The following NR3C1 variants were observed in gnomAD, a reference collection of about 807,000 sequenced individuals.
NR3C1 encodes the protein nuclear receptor subfamily 3 group C member 1.
Under a neutral mutation model 74.0 loss-of-function variants are expected in NR3C1, and 14 were observed. That is an observed-to-expected ratio of 0.19 (90% CI 0.12 to 0.30). The LOEUF is 0.30. NR3C1 is among the 10% of genes least tolerant of loss of function. NR3C1 has a pLI of 1.00. For missense variants in NR3C1, 695 were observed against 909.8 expected, an observed-to-expected ratio of 0.76 and a Z score of 3.04; for synonymous variants, 308 against 332.5, an observed-to-expected ratio of 0.93 and a Z score of 0.80.
At chr5:143,431,420 C>T (rs943839836) in intron 1 of NR3C1, among the ~76,000 whole-genome samples, 81 of 151,984 alleles carry the variant, frequency 5.3e-4, no homozygotes, top group African/African-American at 1.8e-3. Flanking sequence ...TATGCATGTT[C>T]TCACTCATAA....
intron 2 of NR3C1, among the ~76,000 whole-genome samples, chr5:143,359,771 A>G (rs1831885970): frequency 6.6e-6 from 1 of 152,142 alleles, no homozygotes; most frequent in Non-Finnish European, 1.5e-5. Flanking sequence ...TACAAAAATT[A>G]GCTGGGCATG....
intron 2 of NR3C1, among the ~76,000 whole-genome samples, chr5:143,384,994 T>C (rs955764158): frequency 2.0e-5 from 3 of 152,184 alleles, no homozygotes; most frequent in Non-Finnish European, 4.4e-5. Context: ...TTTCCATACA[T>C]CCTGAAATCA....
chr5:143,297,608 G>A (rs1489076620), intron 6 of NR3C1, among the ~76,000 whole-genome samples: 1 of 152,108 alleles, frequency 6.6e-6, no homozygotes, highest in African/African-American at 2.4e-5. Flanking sequence ...TAAAAGTCAA[G>A]GTGACTTCTG....
Position 143,400,131 on chromosome 5 carries a change from A to T in NR3C1, c.709T>A (p.Leu237Met). 6.2e-7 allele frequency: 1 copy of T among 1,614,196 alleles called. No individual in the cohort carries two copies. Among genetic ancestry groups the T allele is most frequent in the African/African-American group, 1.3e-5 (1 of 75,038 alleles). Residue 237 changes from leucine to methionine, a missense_variant, in exon 2 of 9, where the codon TTG becomes ATG. By Grantham distance (15) the Leu-to-Met change is conservative (BLOSUM62 2). Around this residue, in one of 4 missense-constraint regions of NR3C1, gnomAD observed 497 missense variants for 489.5 expected, o/e 1.02. Coordinates refer to ENST00000394464, the MANE Select transcript of NR3C1 (RefSeq NM_000176.3). ...CAGTCCTCATTCGAGTTTCCTTCCA[A>T]AAGGAATGAATCGTCTTCTCCCGCC... is the stretch of plus-strand genomic sequence containing the variant. ...PLAGEDDSFL[L>M]EGNSNEDCKP...
chr5:143,359,249 C>T (rs1424518140), intron 2 of NR3C1, among the ~76,000 whole-genome samples: 1 of 152,200 alleles, frequency 6.6e-6, no homozygotes, highest in Non-Finnish European at 1.5e-5. Context: ...TAACAAGGCT[C>T]ACCAAAATCT....
intron 1 of NR3C1, among the ~76,000 whole-genome samples, chr5:143,402,091 G>C (rs899092480): frequency 6.6e-6 from 1 of 152,214 alleles, no homozygotes; most frequent in African/African-American, 2.4e-5. Context: ...TGAAGGTAGA[G>C]AGAGGGGTGT....
intron 2 of NR3C1, among the ~76,000 whole-genome samples, chr5:143,359,058 C>A (rs1831729902): frequency 6.6e-6 from 1 of 152,168 alleles, no homozygotes; most frequent in Middle Eastern, 3.4e-3. Context: ...TTTGATAAAA[C>A]CAATACAACT....
chr5:143,368,223 T>C (rs762830619), intron 2 of NR3C1, among the ~76,000 whole-genome samples: 1 of 152,154 alleles, frequency 6.6e-6, no homozygotes, highest in South Asian at 2.1e-4. Flanking sequence ...CTTCACACCA[T>C]ATACACAAAT....
In NR3C1 at chr5:143,359,215, C is replaced by T. The variant is rs181820612; in HGVS notation, c.1184+40441G>A. Among the ~76,000 whole-genome samples, 18 of 152,262 alleles carry T rather than the reference C, an allele frequency of 1.2e-4. No homozygotes were observed. In the East Asian group the frequency reaches 2.5e-3, roughly 21 times the overall value. ...CCAAACCCCTGTGAAACTTTCTCCC[C>T]GTATAAAAATAAAGCCCAAACTTTA... On this transcript the variant is annotated intron_variant, in intron 2 of 8. Transcript: ENST00000394464.
chr5:143,382,121 C>A (rs1836370649), intron 2 of NR3C1, among the ~76,000 whole-genome samples: 1 of 152,142 alleles, frequency 6.6e-6, no homozygotes, highest in Admixed American at 6.6e-5. Context: ...ATAGACATTT[C>A]TCAAAAGACA....
At chr5:143,356,937 C>T (rs1165842589) in intron 2 of NR3C1, among the ~76,000 whole-genome samples, 1 of 152,138 alleles carries the variant, frequency 6.6e-6, no homozygotes, top group East Asian at 1.9e-4. Flanking sequence ...AGACTTCAGT[C>T]AATAGGTAAA....
chr5:143,324,579 A>G (rs894743256), intron 2 of NR3C1, among the ~76,000 whole-genome samples: 19 of 152,066 alleles, frequency 1.2e-4, no homozygotes, highest in African/African-American at 4.6e-4. Context: ...GGCCATGGAG[A>G]CATTTTCCCC....
intron 1 of NR3C1, among the ~76,000 whole-genome samples, chr5:143,420,416 A>C (rs916908766): frequency 3.3e-5 from 5 of 152,190 alleles, no homozygotes; most frequent in Non-Finnish European, 7.4e-5. Flanking sequence ...GGAACTAATA[A>C]ATGTCCATGA....
Position 143,280,948 on chromosome 5 carries a change from G to A in NR3C1, c.*941C>T, listed in dbSNP as rs376697040. Reference sequence around the variant, plus strand: ...CATATAGCCATTGCAAAAATAGGGCGTTAGGTACAGACAGGGCCTCTTGGT... The same window carrying A: ...CATATAGCCATTGCAAAAATAGGGCATTAGGTACAGACAGGGCCTCTTGGT... On this transcript the variant is annotated 3_prime_UTR_variant, in exon 9 of 9. Transcript: ENST00000394464. 3 of 152,046 alleles carry A rather than the reference G, an allele frequency of 2.0e-5. No homozygotes were observed. Among genetic ancestry groups the A allele is most frequent in the Non-Finnish European group, 2.9e-5 (2 of 68,004 alleles). 9.4% of individuals were successfully genotyped at this position (152,046 alleles called of 1,614,324 possible).
intron 2 of NR3C1, among the ~76,000 whole-genome samples, chr5:143,342,776 T>C (rs747099051): frequency 9.9e-5 from 15 of 152,192 alleles, no homozygotes; most frequent in Admixed American, 2.6e-4. Flanking sequence ...CAACAGCTCA[T>C]TGTAGGAGAC....
At chr5:143,398,463 G>C (rs888406974) in intron 2 of NR3C1, among the ~76,000 whole-genome samples, 13 of 149,428 alleles carry the variant, frequency 8.7e-5, no homozygotes, top group African/African-American at 3.2e-4. Context: ...TAAGTACAGA[G>C]GAAAGAAAAG....
chr5:143,308,290 T>C (rs1001723041), intron 4 of NR3C1, among the ~76,000 whole-genome samples: 3 of 151,894 alleles, frequency 2.0e-5, no homozygotes, highest in African/African-American at 7.3e-5. Context: ...CAAGACCCCT[T>C]TGTCTCTACA....
rs1813137659 is a variant in NR3C1 at position 143,281,711 on chromosome 5, G to C, written c.*178C>G. The C allele has an allele frequency of 4.9e-6, 3 of 609,564 alleles. No homozygotes were observed. Among genetic ancestry groups the C allele is most frequent in the Non-Finnish European group, 8.5e-6 (3 of 351,588 alleles). 37.8% of individuals were successfully genotyped at this position (609,564 alleles called of 1,614,324 possible). On this transcript the variant is annotated 3_prime_UTR_variant, in exon 9 of 9. Transcript: ENST00000394464. ...ACTGAAAAGTGATGACGACTCAACT[G>C]CTTCTGTTGCCAAGTCTTGGCCCTC...
intron 1 of NR3C1, among the ~76,000 whole-genome samples, chr5:143,412,460 C>T (rs571107603): frequency 6.6e-6 from 1 of 152,006 alleles, no homozygotes; most frequent in Non-Finnish European, 1.5e-5. Flanking sequence ...AATTATAAAA[C>T]TCTCACACTG....
Sources: gnomAD v4.1 joint callset for allele counts (sites outside exome capture counted in the v4.1 genomes callset) on GRCh38, gnomAD v4.1.1 for gene constraint, gnomAD v4.1.1 regional missense constraint, MANE v1.5 for transcripts, NCBI Gene and HGNC (gene_info 2026-07-23, HGNC 2026-07-21) for gene names.